TAOK1: variants seen among roughly 807,000 people sequenced by gnomAD.
TAOK1 encodes serine/threonine-protein kinase TAO1.
TAOK1 carries 21 observed loss-of-function variants against 138.3 expected under a neutral mutation model. That is an observed-to-expected ratio of 0.15 (90% CI 0.11 to 0.22). The LOEUF (loss-of-function observed/expected upper bound fraction) is 0.22. TAOK1 is among the 10% of genes least tolerant of loss of function. TAOK1 has a pLI of 1.00. For missense variants in TAOK1, 651 were observed against 1,227.7 expected (o/e 0.53, Z 7.02); for synonymous variants, 361 against 398.4 (o/e 0.91, Z 1.12).
chr17:29,502,570 CTTTTT>C lies in TAOK1; in HGVS notation c.1204-10_1204-6del. On this transcript the variant is annotated splice_polypyrimidine_tract_variant and intron_variant, in intron 12 of 19. Transcript: ENST00000261716. ...AACTGTTCACCTTACATAATATTGT[CTTTTT>C]TTTTTTTTCCTAGGAGGAAGAAAAT... 1.5e-6 allele frequency: 2 copies of C among 1,295,076 alleles called. No individual in the cohort carries two copies. The highest frequency in any genetic ancestry group is 2.1e-6 in the Non-Finnish European group (2 of 932,548). The allele number at this position is 1,295,076 out of a possible 1,614,324, so 80.2% of individuals were successfully genotyped here.
At chr17:29,446,500 C>G (rs1158086655) in intron 1 of TAOK1, among the ~76,000 whole-genome samples, 16 of 152,092 alleles carry the variant, frequency 1.1e-4, no homozygotes, top group Non-Finnish European at 2.2e-4. Flanking sequence ...CTTGGCCTCC[C>G]AAAGTGCTGA....
chr17:29,471,246 T>C (rs1305150851), intron 3 of TAOK1, among the ~76,000 whole-genome samples: 2 of 151,298 alleles, frequency 1.3e-5, no homozygotes, highest in African/African-American at 4.9e-5. Context: ...AAAGACAGTG[T>C]ACGTACCTTA....
At chr17:29,489,408 G>A (rs946888139) in intron 8 of TAOK1, among the ~76,000 whole-genome samples, 2 of 152,134 alleles carry the variant, frequency 1.3e-5, no homozygotes, top group Non-Finnish European at 2.9e-5. Context: ...CGAGGTGGGA[G>A]GATTGCTTGA....
In TAOK1 at chr17:29,550,655, T is replaced by G. The variant is rs1196362617; in HGVS notation, c.*7633T>G. ...ACAGTTTTAACATAAGTTATCCCAC[T>G]GGGTTTAAGAGCATCTTGAATGTAT... On this transcript the variant is annotated 3_prime_UTR_variant, in exon 20 of 20. Coordinates refer to ENST00000261716, the MANE Select transcript of TAOK1 (RefSeq NM_020791.4). 1.3e-5 allele frequency: 2 copies of G among 152,240 alleles called. No individual in the cohort carries two copies. Among genetic ancestry groups the G allele is most frequent in the Non-Finnish European group, 2.9e-5 (2 of 68,038 alleles). 9.4% of individuals were successfully genotyped at this position (152,240 alleles called of 1,614,324 possible).
At chr17:29,454,786 C>G (rs897413895) in intron 2 of TAOK1, among the ~76,000 whole-genome samples, 25 of 152,050 alleles carry the variant, frequency 1.6e-4, no homozygotes, top group African/African-American at 5.8e-4. Flanking sequence ...ACTGCAGCCT[C>G]GGCCTCCTGG....
At chr17:29,467,020 T>G in intron 2 of TAOK1, 125 bp from the exon 3 acceptor site, 1 of 536,664 alleles carries the variant, frequency 1.9e-6, no homozygotes, top group Non-Finnish European at 3.1e-6. Flanking sequence ...AAATTTTCTT[T>G]AAAAGTGGTT....
At chr17:29,416,948 G>T (rs1246339287) in intron 1 of TAOK1, among the ~76,000 whole-genome samples, 4 of 152,048 alleles carry the variant, frequency 2.6e-5, no homozygotes, top group African/African-American at 9.7e-5. Flanking sequence ...GACAGTGCCA[G>T]GGATATGGTA....
intron 1 of TAOK1, among the ~76,000 whole-genome samples, chr17:29,418,266 C>G (rs1225805264): frequency 1.3e-5 from 2 of 152,170 alleles, no homozygotes; most frequent in African/African-American, 4.8e-5. Flanking sequence ...TCACTGAAAC[C>G]TCAGACTCCT....
intron 1 of TAOK1, among the ~76,000 whole-genome samples, chr17:29,419,977 T>C (rs1409820786): frequency 6.6e-6 from 1 of 151,970 alleles, no homozygotes; most frequent in African/African-American, 2.4e-5. Flanking sequence ...CCTCCCGGGC[T>C]CAATTGATCC....
At chr17:29,517,376 T>A in intron 15 of TAOK1, 77 bp from the exon 16 acceptor site, 1 of 1,451,532 alleles carries the variant, frequency 6.9e-7, no homozygotes, top group South Asian at 1.2e-5. Context: ...CACCTCGGCC[T>A]CCCAGAGTGC....
Position 29,462,580 on chromosome 17 carries a change from A to G in TAOK1, c.133-4565A>G, listed in dbSNP as rs562314219. On this transcript the variant is annotated intron_variant, in intron 2 of 19. Transcript: ENST00000261716. ...TAATATTTACCTCTTGTTTCCTAGT[A>G]TAAGATTTTACTAATCTGTGCTCCC... is the stretch of plus-strand genomic sequence containing the variant. Among the ~76,000 whole-genome samples, 4 of 152,322 alleles carry G rather than the reference A, an allele frequency of 2.6e-5. No homozygotes were observed. The South Asian group carries it at 8.3e-4, about 32-fold the overall frequency.
At chr17:29,482,805 T>C (rs1484124194) in intron 8 of TAOK1, among the ~76,000 whole-genome samples, 1 of 152,032 alleles carries the variant, frequency 6.6e-6, no homozygotes, top group African/African-American at 2.4e-5. Context: ...CATAGGTATA[T>C]GCATCACTGT....
At chr17:29,422,565 C>T (rs1381639022) in intron 1 of TAOK1, among the ~76,000 whole-genome samples, 1 of 152,170 alleles carries the variant, frequency 6.6e-6, no homozygotes, top group Non-Finnish European at 1.5e-5. Flanking sequence ...TTCAGAGACT[C>T]TCCATTTCAT....
At chr17:29,443,141 T>C (rs890640961) in intron 1 of TAOK1, among the ~76,000 whole-genome samples, 3 of 152,206 alleles carry the variant, frequency 2.0e-5, no homozygotes, top group Non-Finnish European at 4.4e-5. Flanking sequence ...CCTGAACACT[T>C]TGACTAACAG....
intron 1 of TAOK1, among the ~76,000 whole-genome samples, chr17:29,400,103 G>T (rs1193132187): frequency 6.6e-6 from 1 of 151,978 alleles, no homozygotes; most frequent in Non-Finnish European, 1.5e-5. Flanking sequence ...CTTAAGAAAT[G>T]ACATTTCAGG....
intron 1 of TAOK1, among the ~76,000 whole-genome samples, chr17:29,434,940 C>A (rs1311248419): frequency 6.6e-6 from 1 of 152,126 alleles, no homozygotes; most frequent in Non-Finnish European, 1.5e-5. Context: ...GAACCGAGTC[C>A]TCCTCCAGTA....
chr17:29,494,643 G>A (rs1181000691), intron 10 of TAOK1, among the ~76,000 whole-genome samples: 5 of 151,852 alleles, frequency 3.3e-5, no homozygotes, highest in Admixed American at 1.3e-4. Flanking sequence ...TGGCTAACAC[G>A]GTGAAACCCT....
chr17:29,394,684 CAATT>C (rs776554054), intron 1 of TAOK1, among the ~76,000 whole-genome samples: 24 of 152,154 alleles, frequency 1.6e-4, no homozygotes, highest in Non-Finnish European at 3.4e-4. Flanking sequence ...TTACTTATAA[CAATT>C]AATTGCACTC....
intron 1 of TAOK1, among the ~76,000 whole-genome samples, chr17:29,438,526 A>G (rs150180256): frequency 1.9e-4 from 29 of 152,314 alleles, no homozygotes; most frequent in South Asian, 6.2e-4. Context: ...GTCAAAAAAT[A>G]CAAAAATCAG....
Sources: allele counts gnomAD v4.1 joint callset (sites outside exome capture counted in the v4.1 genomes callset), GRCh38; gene constraint gnomAD v4.1.1; transcripts MANE v1.5; gene names NCBI Gene and HGNC (gene_info 2026-07-23, HGNC 2026-07-21).